Variants in LRRC4C observed in about 807,000 individuals in gnomAD.
LRRC4C encodes the protein leucine rich repeat containing 4C, also known as leucine-rich repeat-containing protein 4C.
In LRRC4C, 5 loss-of-function variants were observed where a neutral mutation model predicts 33.6. That is an observed-to-expected ratio of 0.15 (90% confidence interval 0.08 to 0.31). The LOEUF (loss-of-function observed/expected upper bound fraction) is 0.31, where lower values mean the gene tolerates loss of function less well. Among genes scored for constraint, LRRC4C ranks in the 10% least tolerant of loss-of-function variants. The pLI is 1.00. For synonymous variants in LRRC4C, 329 were observed against 302.0 expected, an observed-to-expected ratio of 1.09 and a Z score of -0.93; for missense variants, 560 against 796.7, an observed-to-expected ratio of 0.70 and a Z score of 3.58.
intron 3 of LRRC4C, among the ~76,000 whole-genome samples, chr11:40,431,412 A>AAAAAT (rs71060959): frequency 6.6e-6 from 1 of 151,080 alleles, no homozygotes; most frequent in African/African-American, 2.4e-5. Flanking sequence ...AAAAAAAAAA[A>AAAAAT]TCAGACATTC....
chr11:40,481,678 T>C (rs10837419), intron 3 of LRRC4C, among the ~76,000 whole-genome samples: 45,906 of 152,030 alleles, frequency 0.3, 8,401 homozygotes, highest in East Asian at 0.58. Flanking sequence ...CAGGAGGGAA[T>C]GTATCCTCTA....
intron 3 of LRRC4C, among the ~76,000 whole-genome samples, chr11:40,646,678 C>T (rs1942481512): frequency 6.6e-6 from 1 of 152,194 alleles, no homozygotes; most frequent in Admixed American, 6.5e-5. Context: ...ACTATCTCGG[C>T]TCACTGCAAG....
chr11:40,379,814 T>C (rs1240856180), intron 3 of LRRC4C, among the ~76,000 whole-genome samples: 1 of 152,188 alleles, frequency 6.6e-6, no homozygotes, highest in Non-Finnish European at 1.5e-5. Flanking sequence ...TGTGCTCAAA[T>C]TGTGGTTGTG....
chr11:40,871,356 T>G (rs1168343036), intron 2 of LRRC4C, among the ~76,000 whole-genome samples: 1 of 152,116 alleles, frequency 6.6e-6, no homozygotes, highest in Non-Finnish European at 1.5e-5. Flanking sequence ...TTGCTGGTTT[T>G]ACGGCTCAGG....
At chr11:41,281,077 T>TCTCTCTCTCTCTCTCC (rs1949654046) in intron 1 of LRRC4C, among the ~76,000 whole-genome samples, 6 of 54,424 alleles carry the variant, frequency 1.1e-4, no homozygotes, top group East Asian at 1.2e-3. Flanking sequence ...TCTCTCTCTG[T>TCTCTCTCTCTCTCTCC]CCTCTCTCTC....
At chr11:40,451,833 C>A (rs912053023) in intron 3 of LRRC4C, among the ~76,000 whole-genome samples, 3 of 152,132 alleles carry the variant, frequency 2.0e-5, no homozygotes, top group Admixed American at 6.6e-5. Flanking sequence ...TGAATAGGAA[C>A]AACTCCAGTC....
chr11:40,710,750 T>G (rs4545543), intron 2 of LRRC4C, among the ~76,000 whole-genome samples: 50,322 of 151,946 alleles, frequency 0.33, 8,418 homozygotes, highest in East Asian at 0.43. Context: ...ACAGGGACAT[T>G]TAAGTCTGTA....
At chr11:40,155,172 G>A (rs1185259312) in intron 5 of LRRC4C, among the ~76,000 whole-genome samples, 2 of 152,032 alleles carry the variant, frequency 1.3e-5, no homozygotes, top group Admixed American at 1.3e-4. Flanking sequence ...TGACAATAAT[G>A]TCACAACCTA....
At chr11:41,213,772 C>T (rs1019139084) in intron 1 of LRRC4C, among the ~76,000 whole-genome samples, 3 of 152,170 alleles carry the variant, frequency 2.0e-5, no homozygotes, top group Non-Finnish European at 4.4e-5. Flanking sequence ...TTGAATTACT[C>T]CAGGGCTATC....
chr11:40,601,736 C>A (rs1960014211), intron 3 of LRRC4C, among the ~76,000 whole-genome samples: 1 of 152,114 alleles, frequency 6.6e-6, no homozygotes, highest in Admixed American at 6.6e-5. Flanking sequence ...TGACAAGATT[C>A]TATTTGATAA....
At chr11:41,411,206 T>A (rs1954473797) in intron 1 of LRRC4C, among the ~76,000 whole-genome samples, 1 of 138,846 alleles carries the variant, frequency 7.2e-6, no homozygotes. Context: ...TGGAGTGCAG[T>A]GGCGCCATCT....
At chr11:41,430,792 G>A (rs1565667058) in intron 1 of LRRC4C, among the ~76,000 whole-genome samples, 2 of 150,408 alleles carry the variant, frequency 1.3e-5, no homozygotes, top group African/African-American at 4.9e-5. Flanking sequence ...ATATTTTTGT[G>A]TATATATATA....
intron 5 of LRRC4C, among the ~76,000 whole-genome samples, chr11:40,195,921 T>C (rs1862225385): frequency 6.6e-6 from 1 of 152,202 alleles, no homozygotes. Context: ...ACAAATGGAA[T>C]TCCCGATATA....
chr11:41,351,955 A>T (rs11036366), intron 1 of LRRC4C, among the ~76,000 whole-genome samples: 1 of 152,194 alleles, frequency 6.6e-6, no homozygotes, highest in Admixed American at 6.5e-5. Flanking sequence ...GACACTAAAA[A>T]GCAACTGTAC....
At chr11:41,031,224 T>C (rs765536340) in intron 1 of LRRC4C, among the ~76,000 whole-genome samples, 1 of 151,904 alleles carries the variant, frequency 6.6e-6, no homozygotes, top group Non-Finnish European at 1.5e-5. Context: ...TGGCCCACAG[T>C]TACTACAGAA....
chr11:40,736,028 T>G (rs905138235), intron 2 of LRRC4C, among the ~76,000 whole-genome samples: 1 of 152,128 alleles, frequency 6.6e-6, no homozygotes, highest in Admixed American at 6.6e-5. Flanking sequence ...TAAATTTGTT[T>G]GAGTTCATAC....
chr11:40,750,068 A>T (rs1475324873), intron 2 of LRRC4C, among the ~76,000 whole-genome samples: 1 of 152,128 alleles, frequency 6.6e-6, no homozygotes, highest in East Asian at 1.9e-4. Context: ...TAAAAATACA[A>T]AAACTACCTA....
intron 5 of LRRC4C, among the ~76,000 whole-genome samples, chr11:40,237,118 T>G (rs951055910): frequency 6.6e-6 from 1 of 152,202 alleles, no homozygotes; most frequent in Non-Finnish European, 1.5e-5. Context: ...CAAGTCCATA[T>G]TGCTGACTAA....
chr11:40,584,827 G>C (rs1377967848), intron 3 of LRRC4C, among the ~76,000 whole-genome samples: 1 of 151,938 alleles, frequency 6.6e-6, no homozygotes, highest in Non-Finnish European at 1.5e-5. Flanking sequence ...AGGTACTCAG[G>C]AGGCTGAGGC....
Sources: gnomAD v4.1 joint callset for allele counts (sites outside exome capture counted in the v4.1 genomes callset) on GRCh38, gnomAD v4.1.1 for gene constraint, MANE v1.5 for transcripts, NCBI Gene and HGNC (gene_info 2026-07-23, HGNC 2026-07-21) for gene names.